The following TNKS1BP1 variants were observed in gnomAD, a reference collection of about 807,000 sequenced individuals.
The protein encoded by TNKS1BP1 is 182 kDa tankyrase-1-binding protein.
Under a neutral mutation model 141.1 loss-of-function variants are expected in TNKS1BP1, and 48 were observed. The ratio of observed to expected loss-of-function variants is 0.34; its 90% CI spans 0.27 to 0.43. TNKS1BP1 has a LOEUF of 0.43. TNKS1BP1 is among the 20% of genes least tolerant of loss of function. The pLI, the probability that TNKS1BP1 is intolerant of heterozygous loss-of-function variation, is 1.00. For synonymous variants in TNKS1BP1, 875 were observed against 898.2 expected (o/e 0.97, Z 0.46); for missense variants, 2,149 against 2,226.0 (o/e 0.97, Z 0.70).
Position 57,309,524 on chromosome 11 carries a change from T to C in TNKS1BP1, c.3187A>G (p.Arg1063Gly), listed in dbSNP as rs913299037. The C allele has an allele frequency of 3.7e-6, 6 of 1,613,610 alleles. No individual in the cohort carries two copies. The highest frequency in any genetic ancestry group is 5.1e-6 in the Non-Finnish European group (6 of 1,180,020). Residue 1063 changes from arginine (R) to glycine (G), a missense_variant, in exon 6 of 12, where the codon AGA becomes GGA. Transcript: ENST00000358252. The surrounding 1 kb of genome is among the most constrained non-coding windows in gnomAD (Gnocchi z 4.3). ...GGGCCCTGAGCCCCTGCCTGCTGTC[T>C]CTCCTGATGCCCTCCCACCTCCTGG... ...ASQEVGGHQE[R>G]QQAGAQGPGS...
chr11:57,307,855 C>T (rs1379512770), intron 6 of TNKS1BP1, among the ~76,000 whole-genome samples: 2 of 152,202 alleles, frequency 1.3e-5, no homozygotes, highest in Non-Finnish European at 2.9e-5. Context: ...GGTCCCCATA[C>T]CCTTCAGGTT....
chr11:57,318,458 C>T (rs1855830513), intron 3 of TNKS1BP1, among the ~76,000 whole-genome samples: 1 of 152,210 alleles, frequency 6.6e-6, no homozygotes, highest in African/African-American at 2.4e-5. Context: ...GGGGCCAAGG[C>T]TCCAGACACT....
At chr11:57,311,758 A>G (rs1855716450) in intron 5 of TNKS1BP1, among the ~76,000 whole-genome samples, 1 of 152,250 alleles carries the variant, frequency 6.6e-6, no homozygotes, top group African/African-American at 2.4e-5. Context: ...GGTAGGAGAA[A>G]GGGCACTGGG....
In TNKS1BP1 at chr11:57,302,714, C is replaced by T. The variant is rs1383447640; in HGVS notation, c.4428G>A (p.Ser1476=). 7.5e-6 allele frequency: 12 copies of T among 1,600,040 alleles called. No individual in the cohort carries two copies. Among genetic ancestry groups the T allele is most frequent in the Middle Eastern group, 1.7e-4 (1 of 6,032 alleles). Residue 1476 remains serine (S), a synonymous_variant, in exon 7 of 12, where the codon TCG becomes TCA. Transcript: ENST00000358252. This position sits in a 1 kb window ranked among gnomAD's most constrained non-coding sequence, Gnocchi z 5.5. ...CCTCCTCCAACAGGCCCCCAAGGCC[C>T]GAGGCCGCTGACTCCCTCCGAGCCA... ...KAVARRESAA[S]GLGGLLEEEG...
In TNKS1BP1 at chr11:57,315,102, C is replaced by T. The variant is rs564327941; in HGVS notation, c.799-1213G>A. ...CCATAGCCAGATGCGACCCTTCCAG[C>T]CTCTGGTTCGTTGACCTCCTCTTCC... On this transcript the variant is annotated intron_variant, in intron 4 of 11. Transcript: ENST00000358252. Among the ~76,000 whole-genome samples the T allele has an allele frequency of 2.6e-5, 4 of 152,262 alleles. No individual in the cohort carries two copies. The South Asian group carries it at 8.3e-4, about 32-fold the overall frequency.
chr11:57,311,684 C>G (rs1042396347), intron 5 of TNKS1BP1, among the ~76,000 whole-genome samples: 1 of 152,208 alleles, frequency 6.6e-6, no homozygotes, highest in Non-Finnish European at 1.5e-5. Flanking sequence ...GCAGCCCAGG[C>G]CCGGCTTGAG....
In TNKS1BP1 at chr11:57,320,156, G is replaced by A. The variant is rs749419122; in HGVS notation, c.651C>T (p.Phe217=). The change falls in exon 3 of 12, where the codon TTC becomes TTT. Residue 217 remains phenylalanine (F), a synonymous_variant. Coordinates refer to ENST00000358252, the MANE Select transcript of TNKS1BP1 (RefSeq NM_033396.3). ...APRDEDGSTL[F]RGWSQEGPVK... ...CTGGCCCCTCCTGGGACCATCCCCT[G>A]AAGAGGGTGCTGCCATCCTCATCCC... 2.5e-6 allele frequency: 4 copies of A among 1,614,166 alleles called. No individual in the cohort carries two copies. Among genetic ancestry groups the A allele is most frequent in the Non-Finnish European group, 3.4e-6 (4 of 1,180,030 alleles).
intron 3 of TNKS1BP1, 80 bp downstream of exon 3, chr11:57,319,999 A>C: frequency 6.4e-7 from 1 of 1,555,494 alleles, no homozygotes; most frequent in Non-Finnish European, 8.7e-7. Context: ...GGGGCCATGC[A>C]CTTGGTCCCC....
intron 5 of TNKS1BP1, 91 bp from the exon 6 acceptor site, chr11:57,310,647 C>T (rs777440241): frequency 1.4e-6 from 2 of 1,480,190 alleles, no homozygotes; most frequent in Non-Finnish European, 1.8e-6. Flanking sequence ...CTGCCTAGTG[C>T]CTGAAAGCCC....
rs1855810360 is a variant in TNKS1BP1, at chr11:57,317,084, C to T, written c.798+734G>A. Among the ~76,000 whole-genome samples the T allele has an allele frequency of 2.0e-5, 3 of 152,216 alleles. No homozygotes were observed. In the South Asian group the frequency reaches 6.2e-4, roughly 32 times the overall value. On this transcript the variant is annotated intron_variant, in intron 4 of 11. Transcript: ENST00000358252. ...CTCTCCAGACATGCACACAGCTCAGCCTCTGCCCTTCACAGTGACACCTTC... is the reference window on the plus strand; with the variant it reads ...CTCTCCAGACATGCACACAGCTCAGTCTCTGCCCTTCACAGTGACACCTTC...
chr11:57,307,848 C>T (rs982515661), intron 6 of TNKS1BP1, among the ~76,000 whole-genome samples: 1 of 152,208 alleles, frequency 6.6e-6, no homozygotes, highest in Admixed American at 6.5e-5. Context: ...GGGGCCAGGT[C>T]CCCATACCCT....
chr11:57,304,386 A>C (rs1165132985), intron 6 of TNKS1BP1, among the ~76,000 whole-genome samples: 7 of 152,214 alleles, frequency 4.6e-5, no homozygotes, highest in Admixed American at 3.3e-4. Flanking sequence ...CGGCAGCAGA[A>C]GTACAGCAAG....
rs992489604 is a variant in TNKS1BP1 at position 57,300,605 on chromosome 11, G to A, written c.5130-5C>T. 1 of 1,614,234 alleles carries A rather than the reference G, an allele frequency of 6.2e-7. No homozygotes were observed. Among genetic ancestry groups the A allele is most frequent in the Non-Finnish European group, 8.5e-7 (1 of 1,180,040 alleles). On this transcript the variant is annotated splice_polypyrimidine_tract_variant and splice_region_variant and intron_variant, in intron 10 of 11. Transcript: ENST00000358252. Reference sequence around the variant, plus strand: ...TTGGGCGACGATCCTTCTGACCTAGGAGGCAGACGGCAAAGGTCCAGAATG... The same window carrying A: ...TTGGGCGACGATCCTTCTGACCTAGAAGGCAGACGGCAAAGGTCCAGAATG...
intron 5 of TNKS1BP1, chr11:57,311,598 T>A (rs1855713609): frequency 3.0e-6 from 1 of 334,076 alleles, no homozygotes; most frequent in Non-Finnish European, 4.3e-6. Flanking sequence ...GCTTAACCCC[T>A]TCCTGCTCCT....
At chr11:57,323,239 C>T (rs1855914329) in intron 1 of TNKS1BP1, among the ~76,000 whole-genome samples, 1 of 152,142 alleles carries the variant, frequency 6.6e-6, no homozygotes, top group Admixed American at 6.5e-5. Context: ...TACCAGCATT[C>T]CCAGACCATT....
chr11:57,322,020 C>A, intron 1 of TNKS1BP1, 70 bp from the exon 2 acceptor site: 2 of 1,329,576 alleles, frequency 1.5e-6, no homozygotes, highest in South Asian at 3.1e-5. Context: ...AGAGAGAAGT[C>A]TCCTATTTCT....
rs552411007 is a variant in TNKS1BP1, at chr11:57,320,674, G to A, written c.133C>T (p.Arg45Trp). ...RAKPPVKPKP[R>W]ALPAKPALPA... Reference sequence around the variant, plus strand: ...AGGGCTGGCTTGGCAGGCAGGGCCCGGGGTTTGGGCTTGACAGGGGGTTTG... The same window carrying A: ...AGGGCTGGCTTGGCAGGCAGGGCCCAGGGTTTGGGCTTGACAGGGGGTTTG... Residue 45 changes from arginine (R) to tryptophan (W), a missense_variant, in exon 3 of 12, where the codon CGG becomes TGG. Arg to Trp is a moderately radical substitution (Grantham distance 101). Coordinates refer to ENST00000358252, the MANE Select transcript of TNKS1BP1 (RefSeq NM_033396.3). 6.8e-5 allele frequency: 110 copies of A among 1,608,444 alleles called. No individual in the cohort carries two copies. Among genetic ancestry groups the A allele is most frequent in the South Asian group, 6.0e-4 (54 of 90,676 alleles).
intron 4 of TNKS1BP1, 74 bp downstream of exon 4, chr11:57,317,744 A>G: frequency 2.1e-6 from 3 of 1,422,488 alleles, no homozygotes; most frequent in Non-Finnish European, 2.9e-6. Flanking sequence ...TACAAGGAGT[A>G]GAAAAGATGA....
intron 2 of TNKS1BP1, 60 bp downstream of exon 2, chr11:57,321,729 GGCA>G (rs141626047): frequency 0.047 from 68,759 of 1,478,470 alleles, 3,280 homozygotes; most frequent in East Asian, 0.081. Context: ...AGAAAGAGGG[GGCA>G]GCCTCTGTCC....
Sources: gnomAD v4.1 joint callset for allele counts (sites outside exome capture counted in the v4.1 genomes callset) on GRCh38, gnomAD v4.1.1 for gene constraint, Gnocchi (gnomAD v3.1) non-coding constraint, MANE v1.5 for transcripts, NCBI Gene and HGNC (gene_info 2026-07-23, HGNC 2026-07-21) for gene names.